The following MAP4 variants were observed in gnomAD, a reference collection of about 807,000 sequenced individuals.
MAP4 encodes microtubule-associated protein 4.
In MAP4, 76 loss-of-function variants were observed where a neutral mutation model predicts 170.2. The ratio of observed to expected loss-of-function variants is 0.45; its 90% confidence interval spans 0.37 to 0.54. The LOEUF (loss-of-function observed/expected upper bound fraction) is 0.54, where lower values mean the gene tolerates loss of function less well. Ranked by LOEUF, MAP4 falls within the 20% of genes least tolerant of loss-of-function variation. The pLI, the probability that MAP4 is intolerant of heterozygous loss-of-function variation, is 0.00. For missense variants in MAP4, 2,506 were observed against 2,748.0 expected (o/e 0.91, Z 1.97); for synonymous variants, 909 against 994.5 (o/e 0.91, Z 1.62).
At chr3:48,065,831 G>A (rs969685073) in intron 1 of MAP4, among the ~76,000 whole-genome samples, 54 of 152,066 alleles carry the variant, frequency 3.6e-4, no homozygotes, top group Non-Finnish European at 1.6e-4. Flanking sequence ...GGAATGATAA[G>A]TTCAAGGCTG....
chr3:47,871,407 T>G, intron 13 of MAP4, 121 bp from the exon 14 acceptor site: 4 of 821,936 alleles, frequency 4.9e-6, no homozygotes, highest in Non-Finnish European at 8.2e-6. Context: ...CCAGGGACTG[T>G]GTTAGTCCCT....
chr3:48,064,836 AAC>A (rs1401262559), intron 1 of MAP4, among the ~76,000 whole-genome samples: 1 of 152,186 alleles, frequency 6.6e-6, no homozygotes, highest in African/African-American at 2.4e-5. Context: ...AGGCAGTTGT[AAC>A]ACAATGGTAA....
chr3:47,891,984 C>T, intron 10 of MAP4: 1 of 1,536,312 alleles, frequency 6.5e-7, no homozygotes, highest in Non-Finnish European at 8.7e-7. Flanking sequence ...GTAGGGATGT[C>T]AGCAGCCCCA....
intron 2 of MAP4, among the ~76,000 whole-genome samples, chr3:47,982,862 A>C (rs1442228464): frequency 2.0e-5 from 3 of 152,206 alleles, no homozygotes; most frequent in Non-Finnish European, 4.4e-5. Flanking sequence ...ACCCTTCTTG[A>C]GGAAATAAAT....
At chr3:47,866,921 G>A (rs368701547) in intron 17 of MAP4, among the ~76,000 whole-genome samples, 95 of 152,230 alleles carry the variant, frequency 6.2e-4, no homozygotes, top group African/African-American at 2.2e-3. Context: ...TCCCAGGAAC[G>A]GACTCCAGAC....
At chr3:48,051,861 C>T (rs952544698) in intron 1 of MAP4, among the ~76,000 whole-genome samples, 6 of 152,154 alleles carry the variant, frequency 3.9e-5, no homozygotes, top group African/African-American at 1.2e-4. Flanking sequence ...AATTATAAAT[C>T]GACCATGTAA....
chr3:48,030,226 T>A (rs1171434749), intron 1 of MAP4, among the ~76,000 whole-genome samples: 4 of 151,100 alleles, frequency 2.6e-5, no homozygotes, highest in Non-Finnish European at 4.4e-5. Flanking sequence ...CTGTCTCAAT[T>A]AGAAAATAAA....
intron 1 of MAP4, among the ~76,000 whole-genome samples, chr3:48,042,963 G>T (rs1213039191): frequency 6.6e-6 from 1 of 152,118 alleles, no homozygotes; most frequent in African/African-American, 2.4e-5. Flanking sequence ...GGTTGCCTGG[G>T]GCTTGGGGTT....
At chr3:47,937,807 GCC>G (rs1227851219) in intron 3 of MAP4, among the ~76,000 whole-genome samples, 12 of 150,922 alleles carry the variant, frequency 8.0e-5, no homozygotes, top group Middle Eastern at 3.2e-3. Context: ...GATTACAGGC[GCC>G]TGCCACCATG....
chr3:47,909,597 A>G lies in MAP4; in HGVS notation c.4824T>C (p.Asn1608=), dbSNP rs2153489601. 6.2e-7 allele frequency: 1 copy of G among 1,613,270 alleles called. No homozygotes were observed. The highest frequency in any genetic ancestry group is 8.5e-7 in the Non-Finnish European group (1 of 1,179,872). Residue 1608 remains asparagine, a synonymous_variant, in exon 9 of 21, where the codon AAT becomes AAC. Transcript: ENST00000683076. ...DRGNFPAHPV[N]EEKETKEGSV... is the part of the protein sequence containing the mutation. ...ACCCTTCTTTAGTCTCTTTCTCTTC[A>G]TTCACTGGATGTGCTGGGAAATTAC...
At position 47,853,334 on chromosome 3, in the gene MAP4, C is replaced by T. The variant is rs767474005; in HGVS notation, c.6715G>A (p.Glu2239Lys). ...GGGGGACCCGGACACAGAGGAGCCT[C>T]GCTGCCACCGCCCTCAGTCTACAAT... ...GAVKTEGGGS[E>K]APLCPGPPAG... The change falls in exon 20 of 21, where the codon GAG becomes AAG. Residue 2239 changes from glutamate to lysine, a missense_variant. Physicochemically the swap from Glu to Lys is moderately conservative, Grantham distance 56. Around this residue, in one of 3 missense-constraint regions of MAP4, gnomAD observed 487 missense variants for 511.6 expected, o/e 0.95. Transcript: ENST00000683076. 2.6e-5 allele frequency: 42 copies of T among 1,607,798 alleles called. No homozygotes were observed. The highest frequency in any genetic ancestry group is 3.9e-4 in the Middle Eastern group (2 of 5,064).
chr3:47,856,187 T>C (rs963725696), intron 18 of MAP4, among the ~76,000 whole-genome samples: 1 of 152,206 alleles, frequency 6.6e-6, no homozygotes, highest in African/African-American at 2.4e-5. Flanking sequence ...CCCCTTCTCC[T>C]GTTCTTCCAT....
intron 1 of MAP4, among the ~76,000 whole-genome samples, chr3:48,011,306 A>G (rs1410024450): frequency 6.6e-6 from 1 of 152,178 alleles, no homozygotes; most frequent in Non-Finnish European, 1.5e-5. Context: ...AGGCGGGTGG[A>G]TCACTTGAAG....
At chr3:47,872,129 T>G in intron 12 of MAP4, 29 bp from the exon 13 acceptor site, 2 of 1,584,442 alleles carry the variant, frequency 1.3e-6, no homozygotes, top group Non-Finnish European at 1.7e-6. Flanking sequence ...GAATGAGGCC[T>G]GCAGGTCAGC....
upstream of MAP4, among the ~76,000 whole-genome samples, chr3:48,021,364 T>A (rs74426205): frequency 2.2e-4 from 34 of 151,662 alleles, no homozygotes; most frequent in Admixed American, 1.8e-3. Flanking sequence ...TTTTTTTTTT[T>A]AGACAGAGTC....
At chr3:47,903,616 G>A (rs2100031357) in intron 9 of MAP4, among the ~76,000 whole-genome samples, 1 of 151,480 alleles carries the variant, frequency 6.6e-6, no homozygotes, top group Non-Finnish European at 1.5e-5. Flanking sequence ...CTGCCTGGAA[G>A]AACATGCATA....
At chr3:47,860,234 G>T (rs2063359237) in intron 17 of MAP4, among the ~76,000 whole-genome samples, 1 of 152,218 alleles carries the variant, frequency 6.6e-6, no homozygotes, top group Admixed American at 6.5e-5. Context: ...TTTTGAGACA[G>T]GGTCTCACTC....
At chr3:47,922,268 T>C (rs943808313) in intron 4 of MAP4, among the ~76,000 whole-genome samples, 3 of 152,110 alleles carry the variant, frequency 2.0e-5, no homozygotes, top group African/African-American at 7.2e-5. Flanking sequence ...TATTATCCTA[T>C]GATGAATATA....
At chr3:47,947,801 T>A (rs1578138759) in intron 3 of MAP4, among the ~76,000 whole-genome samples, 6 of 112,586 alleles carry the variant, frequency 5.3e-5, no homozygotes, top group Admixed American at 1.1e-4. Context: ...ACAGAGAGAG[T>A]CTCAAAAAAA....
Sources: gnomAD v4.1 joint callset for allele counts (sites outside exome capture counted in the v4.1 genomes callset) on GRCh38, gnomAD v4.1.1 for gene constraint, gnomAD v4.1.1 regional missense constraint, MANE v1.5 for transcripts, NCBI Gene and HGNC (gene_info 2026-07-23, HGNC 2026-07-21) for gene names.